Variants in CASP10 observed in about 807,000 individuals in gnomAD.
CASP10 encodes caspase-10.
A neutral mutation model predicts 48.5 loss-of-function variants in CASP10; 41 were observed. The ratio of observed to expected loss-of-function variants is 0.85; its 90% CI spans 0.66 to 1.10. The LOEUF is 1.10. Ranked by LOEUF, CASP10 falls within the 50% of genes least tolerant of loss-of-function variation. The pLI is 0.00. For synonymous variants in CASP10, 232 were observed against 238.4 expected, an observed-to-expected ratio of 0.97 and a Z score of 0.25; for missense variants, 614 against 614.5, an observed-to-expected ratio of 1.00 and a Z score of 0.01.
chr2:201,207,772 T>A (rs1442306356), intron 7 of CASP10, among the ~76,000 whole-genome samples: 12 of 146,222 alleles, frequency 8.2e-5, no homozygotes, highest in Admixed American at 2.0e-4. Flanking sequence ...AAAAAAAAAA[T>A]TATCTGGGGG....
chr2:201,226,187 G>A (rs1945785478), downstream of CASP10, among the ~76,000 whole-genome samples: 1 of 152,120 alleles, frequency 6.6e-6, no homozygotes, highest in South Asian at 2.1e-4. Context: ...AAATACCAAT[G>A]AGCAATAAAT....
Position 201,183,496 on chromosome 2 carries a change from C to T in CASP10, c.-8+188C>T, listed in dbSNP as rs17860398. On this transcript the variant is annotated intron_variant, in intron 1 of 9. Coordinates refer to ENST00000286186, the MANE Select transcript of CASP10 (RefSeq NM_032977.4). Reference sequence around the variant, plus strand: ...GGAAGCCTCCAACATAGCCTTTTACCGGGGCAGAAATATGTTAGCTCACAG... The same window carrying T: ...GGAAGCCTCCAACATAGCCTTTTACTGGGGCAGAAATATGTTAGCTCACAG... Among the ~76,000 whole-genome samples the T allele has an allele frequency of 0.039, 5,929 of 152,126 alleles. 147 individuals carry two copies. The highest frequency in any genetic ancestry group is 0.078 in the Middle Eastern group (23 of 294).
downstream of CASP10, among the ~76,000 whole-genome samples, chr2:201,222,738 G>T (rs1945741067): frequency 6.6e-6 from 1 of 152,176 alleles, no homozygotes; most frequent in Non-Finnish European, 1.5e-5. Flanking sequence ...TGCCCAGGCG[G>T]TGTAAAACAT....
chr2:201,219,356 T>C lies in CASP10; in HGVS notation c.*1615T>C, dbSNP rs985130709. On this transcript the variant is annotated 3_prime_UTR_variant, in exon 10 of 10. Coordinates refer to ENST00000286186, the MANE Select transcript of CASP10 (RefSeq NM_032977.4). The stretch of plus-strand genomic sequence containing the variant: ...AAATTGACTGAAGCAAAGAAGGGAA[T>C]TTATTGCCTCTTTCACATTGAAACC... 1.1e-5 allele frequency: 8 copies of C among 760,996 alleles called. No homozygotes were observed. The highest frequency in any genetic ancestry group is 1.9e-5 in the African/African-American group (1 of 52,674). The allele number at this position is 760,996 out of a possible 1,614,324, so 47.1% of individuals were successfully genotyped here.
Position 201,217,692 on chromosome 2 carries a change from T to C in CASP10, c.1520T>C (p.Leu507Pro), listed in dbSNP as rs1559314498. The C allele has an allele frequency of 6.2e-7, 1 of 1,613,996 alleles. No individual in the cohort carries two copies. The highest frequency in any genetic ancestry group is 1.7e-5 in the Admixed American group (1 of 60,004). ...CAGATGCCCCAGCCTGCTTTCACACTAAGGAAAAAACTAGTATTCCCTGTG... is the reference window on the plus strand; with the variant it reads ...CAGATGCCCCAGCCTGCTTTCACACCAAGGAAAAAACTAGTATTCCCTGTG... ...KKQMPQPAFT[L>P]RKKLVFPVPL... The change falls in exon 10 of 10, where the codon CTA becomes CCA. Residue 507 changes from leucine to proline, a missense_variant. Physicochemically the swap from Leu to Pro is moderately conservative, Grantham distance 98. Coordinates refer to ENST00000286186, the MANE Select transcript of CASP10 (RefSeq NM_032977.4).
chr2:201,228,025 T>C (rs1945811258), intron 9 of CASP10, among the ~76,000 whole-genome samples: 1 of 151,968 alleles, frequency 6.6e-6, no homozygotes, highest in Non-Finnish European at 1.5e-5. Context: ...TATTTCACCA[T>C]TTGAAGAACC....
At chr2:201,222,991 T>G (rs1302840966), downstream of CASP10, among the ~76,000 whole-genome samples, 2 of 152,252 alleles carry the variant, frequency 1.3e-5, no homozygotes, top group Non-Finnish European at 2.9e-5. Flanking sequence ...CCTTAGGTGT[T>G]TGTAAATTTG....
chr2:201,186,255 T>A, intron 2 of CASP10, 131 bp downstream of exon 2: 1 of 723,282 alleles, frequency 1.4e-6, no homozygotes, highest in Non-Finnish European at 2.5e-6. Flanking sequence ...ACCAGGAGAT[T>A]CTAAACCTCC....
intron 9 of CASP10, among the ~76,000 whole-genome samples, chr2:201,215,394 A>C (rs573555007): frequency 7.0e-4 from 106 of 152,190 alleles, no homozygotes; most frequent in Non-Finnish European, 1.1e-3. Flanking sequence ...TTCAGGTTTT[A>C]CATTTAAGTC....
rs2126064816 is a variant in CASP10 at position 201,220,189 on chromosome 2, A to G, written c.*2448A>G. The G allele has an allele frequency of 1.0e-6, 1 of 971,468 alleles. No homozygotes were observed. The highest frequency in any genetic ancestry group is 1.2e-6 in the Non-Finnish European group (1 of 817,126). The allele number at this position is 971,468 out of a possible 1,614,324, so 60.2% of individuals were successfully genotyped here. ...GACAGGGCAGGAACACCGTCATCTTAGACAAACACCGCCACTTTAAGTTCC... is the reference window on the plus strand; with the variant it reads ...GACAGGGCAGGAACACCGTCATCTTGGACAAACACCGCCACTTTAAGTTCC... On this transcript the variant is annotated 3_prime_UTR_variant, in exon 10 of 10. Coordinates refer to ENST00000286186, the MANE Select transcript of CASP10 (RefSeq NM_032977.4).
intron 8 of CASP10, 52 bp from the exon 9 acceptor site, chr2:201,209,018 T>C (rs907040459): frequency 2.7e-5 from 43 of 1,580,550 alleles, no homozygotes; most frequent in Non-Finnish European, 3.6e-5. Context: ...ATTTTATTAT[T>C]TCCCCTTTCT....
chr2:201,215,757 A>T (rs2126059270), intron 9 of CASP10, among the ~76,000 whole-genome samples: 1 of 152,160 alleles, frequency 6.6e-6, no homozygotes, highest in Admixed American at 6.5e-5. Context: ...GGTTCCATAT[A>T]CATTTTAGGG....
intron 6 of CASP10, among the ~76,000 whole-genome samples, chr2:201,204,529 A>G (rs1482878907): frequency 6.6e-6 from 1 of 152,186 alleles, no homozygotes; most frequent in East Asian, 1.9e-4. Context: ...GGATTATATC[A>G]TTTATTCCTC....
chr2:201,204,714 C>T (rs755511825), intron 6 of CASP10, among the ~76,000 whole-genome samples: 1 of 152,154 alleles, frequency 6.6e-6, no homozygotes, highest in Non-Finnish European at 1.5e-5. Flanking sequence ...CCAGGCTATC[C>T]CAGTGTCTAT....
At chr2:201,201,975 T>C (rs1013572840) in intron 5 of CASP10, among the ~76,000 whole-genome samples, 13 of 152,248 alleles carry the variant, frequency 8.5e-5, no homozygotes, top group African/African-American at 2.9e-4. Context: ...CTCAGCCTCC[T>C]GAGTAGCTGG....
At chr2:201,214,151 G>T (rs998545080) in intron 9 of CASP10, 3 of 152,122 alleles carry the variant, frequency 2.0e-5, no homozygotes, top group Admixed American at 6.6e-5. Context: ...GTGAGCCTAG[G>T]ATATTTTGGG....
At chr2:201,184,028 T>G (rs1296851898) in intron 1 of CASP10, among the ~76,000 whole-genome samples, 1 of 152,156 alleles carries the variant, frequency 6.6e-6, no homozygotes. Flanking sequence ...CCTATGAAGC[T>G]GGGACCACAG....
chr2:201,187,914 A>G, intron 3 of CASP10, 115 bp downstream of exon 3: 4 of 780,360 alleles, frequency 5.1e-6, no homozygotes, highest in Admixed American at 2.0e-5. Flanking sequence ...GTATCATACA[A>G]TGGTTACGAA....
At chr2:201,203,830 A>G (rs1250676448) in intron 6 of CASP10, 64 bp downstream of exon 6, 1 of 1,266,522 alleles carries the variant, frequency 7.9e-7, no homozygotes, top group African/African-American at 1.5e-5. Context: ...CATATTTGAT[A>G]TATACCAAGG....
Sources: allele counts gnomAD v4.1 joint callset (sites outside exome capture counted in the v4.1 genomes callset), GRCh38; gene constraint gnomAD v4.1.1; transcripts MANE v1.5; gene names NCBI Gene and HGNC (gene_info 2026-07-23, HGNC 2026-07-21).